Variants in NBPF3 observed in about 807,000 individuals in gnomAD.
NBPF3 encodes the protein NBPF family member NBPF3.
Under a neutral mutation model 78.1 loss-of-function variants are expected in NBPF3, and 57 were observed. The observed-to-expected ratio is 0.73, with a 90% CI of 0.59 to 0.91. The LOEUF (loss-of-function observed/expected upper bound fraction) is 0.91. Among genes scored for constraint, NBPF3 ranks in the 40% least tolerant of loss-of-function variants. The pLI, the probability that NBPF3 is intolerant of heterozygous loss-of-function variation, is 0.00. For synonymous variants in NBPF3, 182 were observed against 271.7 expected, an observed-to-expected ratio of 0.67 and a Z score of 3.25; for missense variants, 510 against 715.3, an observed-to-expected ratio of 0.71 and a Z score of 3.27.
chr1:21,454,708 C>A (rs1388234113), intron 2 of NBPF3, among the ~76,000 whole-genome samples: 1 of 152,214 alleles, frequency 6.6e-6, no homozygotes, highest in Non-Finnish European at 1.5e-5. Flanking sequence ...TCAACCATAT[C>A]AGCATACAGG....
At chr1:21,473,783 C>T (rs1234800306) in intron 7 of NBPF3, among the ~76,000 whole-genome samples, 198 bp downstream of exon 7, 1 of 152,140 alleles carries the variant, frequency 6.6e-6, no homozygotes, top group African/African-American at 2.4e-5. Flanking sequence ...GTTACTGGAC[C>T]CCAGACAAGT....
intron 2 of NBPF3, among the ~76,000 whole-genome samples, chr1:21,457,396 G>GTATATATATGTATGTA (rs1558484898): frequency 9.3e-4 from 140 of 150,032 alleles, no homozygotes; most frequent in South Asian, 4.2e-3. Flanking sequence ...ATATATGTAT[G>GTATATATATGTATGTA]TATATATATG....
chr1:21,451,214 G>A (rs540769073), intron 2 of NBPF3, among the ~76,000 whole-genome samples: 2 of 152,082 alleles, frequency 1.3e-5, no homozygotes, highest in Non-Finnish European at 2.9e-5. Context: ...CAGTTTATTG[G>A]TCCATTCTTG....
At position 21,480,346 on chromosome 1, in the gene NBPF3, C is replaced by T. The variant is rs1329081895; in HGVS notation, c.1381+123C>T. The T allele has an allele frequency of 1.9e-5, 10 of 523,382 alleles. 2 individuals are homozygous for T. Among genetic ancestry groups the T allele is most frequent in the African/African-American group, 3.7e-5 (2 of 54,130 alleles). The allele number at this position is 523,382 out of a possible 1,614,324, so 32.4% of individuals were successfully genotyped here. Reference sequence around the variant, plus strand: ...CATTGCCACAGGCAGGACCCGTGGGCGCATAGAGGTTGTAATGAAATTGTA... The same window carrying T: ...CATTGCCACAGGCAGGACCCGTGGGTGCATAGAGGTTGTAATGAAATTGTA... On this transcript the variant is annotated intron_variant, in intron 11 of 14. Coordinates refer to ENST00000318249, the MANE Select transcript of NBPF3 (RefSeq NM_032264.6).
chr1:21,472,733 A>G, intron 5 of NBPF3, 110 bp from the exon 6 acceptor site: 2 of 827,726 alleles, frequency 2.4e-6, no homozygotes, highest in Non-Finnish European at 4.2e-6. Context: ...GAGAGCTTTC[A>G]GCTGAACAGT....
upstream of NBPF3, chr1:21,436,816 AG>A: frequency 3.0e-6 from 3 of 990,212 alleles, no homozygotes; most frequent in Non-Finnish European, 3.9e-6. This position sits in a 1 kb window ranked among gnomAD's most constrained non-coding sequence, Gnocchi z 4.3. Context: ...CCAGGTAGGA[AG>A]GGGCTTGAGC....
chr1:21,474,945 C>T lies in NBPF3; in HGVS notation c.986C>T (p.Ser329Phe), dbSNP rs778878476. Residue 329 changes from serine to phenylalanine, a missense_variant, in exon 8 of 15, where the codon TCT becomes TTT. Around this residue, in one of 5 missense-constraint regions of NBPF3, gnomAD observed 440 missense variants for 478.2 expected, o/e 0.92. Transcript: ENST00000318249. ...HEQEEEKGPV[S>F]PRNLQESEEE... ...CAAGAGGAAGAAAAAGGGCCAGTGT[C>T]TCCCAGGTAATGCCATGGAATTGTG... is the stretch of plus-strand genomic sequence containing the variant. The T allele has an allele frequency of 1.7e-5, 26 of 1,558,976 alleles. No individual in the cohort carries two copies. The highest frequency in any genetic ancestry group is 3.4e-4 in the Middle Eastern group (2 of 5,884).
intron 2 of NBPF3, among the ~76,000 whole-genome samples, chr1:21,455,952 T>C (rs1318649507): frequency 6.6e-6 from 1 of 152,180 alleles, no homozygotes; most frequent in East Asian, 1.9e-4. Flanking sequence ...AGCACCCAGG[T>C]ATCCAACTGA....
chr1:21,467,198 C>T lies in NBPF3; in HGVS notation c.134-1490C>T, dbSNP rs4061673. 2,854 of 984,416 alleles carry T rather than the reference C, an allele frequency of 2.9e-3. 76 individuals are homozygous for T. In the African/African-American group the frequency reaches 0.043, roughly 15 times the overall value. 61.0% of individuals were successfully genotyped at this position (984,416 alleles called of 1,614,324 possible). A position where few individuals can be genotyped will look rare whatever the true frequency, so the allele number is the denominator to read the frequency against. Reference sequence around the variant, plus strand: ...TCCTTACAGTGTCATTGGAGGACAGCGTGGAGTGCAGAGAGACATGCTTTG... The same window carrying T: ...TCCTTACAGTGTCATTGGAGGACAGTGTGGAGTGCAGAGAGACATGCTTTG... On this transcript the variant is annotated intron_variant, in intron 2 of 14. Coordinates refer to ENST00000318249, the MANE Select transcript of NBPF3 (RefSeq NM_032264.6).
intron 2 of NBPF3, among the ~76,000 whole-genome samples, chr1:21,452,122 T>G (rs1401961341): frequency 1.3e-5 from 2 of 152,248 alleles, no homozygotes; most frequent in Non-Finnish European, 2.9e-5. Context: ...GCATTAGGCT[T>G]AAATTTCATG....
rs368773808 is a variant in NBPF3, at chr1:21,468,906, T to C, written c.343+9T>C. The C allele has an allele frequency of 4.7e-4, 743 of 1,595,862 alleles. 14 individuals are homozygous for C. The South Asian group carries it at 7.8e-3, about 17-fold the overall frequency. ...CCGGCAAAATAATTACGGTAAGTTC[T>C]ATAGGCTCACCATCACAAAAGCGAT... On this transcript the variant is annotated intron_variant, in intron 3 of 14. Transcript: ENST00000318249.
Position 21,478,292 on chromosome 1 carries a change from G to C in NBPF3, c.1141G>C (p.Ala381Pro). 1 of 1,613,932 alleles carries C rather than the reference G, an allele frequency of 6.2e-7. No individual in the cohort carries two copies. Among genetic ancestry groups the C allele is most frequent in the South Asian group, 1.1e-5 (1 of 91,076 alleles). The change falls in exon 9 of 15, where the codon GCT (alanine) becomes CCT (proline). Residue 381 changes from alanine (A) to proline (P), a missense_variant. By Grantham distance (27) the Ala-to-Pro change is conservative. Transcript: ENST00000318249. ...AGTAGAGGAACAGCAAGTCGGCTTGGCTCTTGACATAGGCAGTGAGTACTC... is the reference window on the plus strand; with the variant it reads ...AGTAGAGGAACAGCAAGTCGGCTTGCCTCTTGACATAGGCAGTGAGTACTC... ...HSVEEQQVGL[A>P]LDIGRHWCDQ... is the part of the protein sequence containing the mutation.
At chr1:21,463,442 C>T (rs1311249119) in intron 2 of NBPF3, among the ~76,000 whole-genome samples, 1 of 152,112 alleles carries the variant, frequency 6.6e-6, no homozygotes, top group African/African-American at 2.4e-5. Flanking sequence ...GGAGAAACAT[C>T]GGTAATGGAC....
rs1478579165 is a variant in NBPF3 at position 21,445,043 on chromosome 1, A to G, written c.-44A>G. On this transcript the variant is annotated 5_prime_UTR_variant, in exon 2 of 15. Transcript: ENST00000318249. Reference sequence around the variant, plus strand: ...TGTCCCTTGCCGTCCTCCTGAGGGTATCTGGAGCTTCAGTGCTGTGTGCTC... The same window carrying G: ...TGTCCCTTGCCGTCCTCCTGAGGGTGTCTGGAGCTTCAGTGCTGTGTGCTC... 4.4e-6 allele frequency: 7 copies of G among 1,587,224 alleles called. No individual in the cohort carries two copies. Among genetic ancestry groups the G allele is most frequent in the South Asian group, 2.3e-5 (2 of 88,860 alleles).
In NBPF3 at chr1:21,463,687, A is replaced by T. The variant is rs547450170; in HGVS notation, c.134-5001A>T. On this transcript the variant is annotated intron_variant, in intron 2 of 14. Transcript: ENST00000318249. The stretch of plus-strand genomic sequence containing the variant: ...AAAAGATAATCCACATAATGGGAGA[A>T]CTATTTCCAAATTATATGTTTGACA... Among the ~76,000 whole-genome samples the T allele has an allele frequency of 2.4e-3, 359 of 152,360 alleles. 6 individuals carry two copies. Among genetic ancestry groups the T allele is most frequent in the Non-Finnish European group, 2.1e-3 (142 of 68,028 alleles).
In NBPF3 at chr1:21,479,372, AAGG is replaced by A; in HGVS notation, c.1185_1187del (p.Glu395del). 1 of 1,611,328 alleles carries A rather than the reference AAGG, an allele frequency of 6.2e-7. No individual in the cohort carries two copies. The highest frequency in any genetic ancestry group is 8.5e-7 in the Non-Finnish European group (1 of 1,178,488). ...AGGACATTGGTGTGATCAAGTGAAA[AAGG>A]AGGACCAAGAGGCCACAAGTCCCAG... On this transcript the variant is annotated inframe_deletion, in exon 10 of 15. Transcript: ENST00000318249.
intron 2 of NBPF3, chr1:21,468,305 G>A (rs1642388951): frequency 8.6e-6 from 7 of 816,736 alleles, no homozygotes; most frequent in Non-Finnish European, 1.1e-5. Context: ...GAATTTTAGA[G>A]GAATGATCCC....
rs12067461 is a variant in NBPF3 at position 21,471,333 on chromosome 1, G to A, written c.447-236G>A. On this transcript the variant is annotated intron_variant, in intron 4 of 14. Transcript: ENST00000318249. ...AAGACACCTACTTTTGTTGACAGAAGAGAAAGATGAATGGAACATCATGGA... is the reference window on the plus strand; with the variant it reads ...AAGACACCTACTTTTGTTGACAGAAAAGAAAGATGAATGGAACATCATGGA... 6.6e-3 allele frequency among the ~76,000 whole-genome samples: 1,004 copies of A among 152,282 alleles called. 9 individuals carry two copies. Among genetic ancestry groups the A allele is most frequent in the African/African-American group, 0.022 (915 of 41,550 alleles).
At chr1:21,442,193 G>GT (rs531101126) in intron 1 of NBPF3, 1 of 151,972 alleles carries the variant, frequency 6.6e-6, no homozygotes, top group Non-Finnish European at 1.5e-5. Context: ...CTTTTATGTT[G>GT]TTTTTTCATG....
Sources: allele counts gnomAD v4.1 joint callset (sites outside exome capture counted in the v4.1 genomes callset), GRCh38; gene constraint gnomAD v4.1.1; regional missense constraint gnomAD v4.1.1; non-coding constraint Gnocchi (gnomAD v3.1); transcripts MANE v1.5; gene names NCBI Gene and HGNC (gene_info 2026-07-23, HGNC 2026-07-21).